RREB1: variants seen among roughly 807,000 people sequenced by gnomAD.
The protein encoded by RREB1 is ras responsive element binding protein 1.
Under a neutral mutation model 117.8 loss-of-function variants are expected in RREB1, and 27 were observed. The ratio of observed to expected loss-of-function variants is 0.23; its 90% CI spans 0.17 to 0.32. The LOEUF (loss-of-function observed/expected upper bound fraction) is 0.32. RREB1 is among the 10% of genes least tolerant of loss of function. RREB1 has a pLI of 1.00. For synonymous variants in RREB1, 1,298 were observed against 1,026.7 expected (o/e 1.26, Z -5.05); for missense variants, 2,577 against 2,378.2 (o/e 1.08, Z -1.74).
At chr6:7,119,504 G>C (rs1208028112) in intron 1 of RREB1, among the ~76,000 whole-genome samples, 1 of 152,184 alleles carries the variant, frequency 6.6e-6, no homozygotes. Context: ...TGACATTTGA[G>C]CTAATAGCTG....
At chr6:7,131,969 G>A (rs895046126) in intron 1 of RREB1, among the ~76,000 whole-genome samples, 1 of 151,346 alleles carries the variant, frequency 6.6e-6, no homozygotes, top group Admixed American at 6.6e-5. Flanking sequence ...TGTGATTGTC[G>A]TGCCTCAGCC....
intron 8 of RREB1, chr6:7,215,534 C>T (rs1766847977): frequency 6.6e-6 from 1 of 152,140 alleles, no homozygotes; most frequent in Non-Finnish European, 1.5e-5. Context: ...GAGACAGAGT[C>T]TCCCTTTGTT....
chr6:7,242,643 C>T (rs76523799), intron 11 of RREB1, among the ~76,000 whole-genome samples: 9 of 52,242 alleles, frequency 1.7e-4, no homozygotes, highest in African/African-American at 6.8e-4. Context: ...ATTCTGGGTT[C>T]CCCCCCCCCA....
At chr6:7,211,023 C>G in intron 7 of RREB1, 75 bp downstream of exon 7, 1 of 1,439,498 alleles carries the variant, frequency 6.9e-7, no homozygotes, top group Non-Finnish European at 9.5e-7. Flanking sequence ...TTTATTTTCT[C>G]AGTGTGGAGA....
rs1229429983 is a variant in RREB1 at position 7,250,720 on chromosome 6, T to A, written c.*1752T>A. 3 of 152,112 alleles carry A rather than the reference T, an allele frequency of 2.0e-5. No individual in the cohort carries two copies. Among genetic ancestry groups the A allele is most frequent in the African/African-American group, 7.2e-5 (3 of 41,398 alleles). 9.4% of individuals were successfully genotyped at this position (152,112 alleles called of 1,614,324 possible). ...GTGCACGCCCCCTTTTCTCCGCCAC[T>A]TCACCAGTTTCTGAAATCCAACCTC... On this transcript the variant is annotated 3_prime_UTR_variant, in exon 13 of 13. Transcript: ENST00000379938.
chr6:7,215,710 T>C (rs1228651051), intron 8 of RREB1: 1 of 152,244 alleles, frequency 6.6e-6, no homozygotes, highest in Non-Finnish European at 1.5e-5. Flanking sequence ...TATACCAGTA[T>C]CATCAAAATA....
At chr6:7,157,660 A>G (rs551772598) in intron 1 of RREB1, among the ~76,000 whole-genome samples, 2 of 152,004 alleles carry the variant, frequency 1.3e-5, no homozygotes, top group East Asian at 3.9e-4. Context: ...TGGTCCCAGC[A>G]TTTGAGAAGC....
chr6:7,237,967 G>C (rs1431644193), intron 10 of RREB1, among the ~76,000 whole-genome samples: 1 of 152,166 alleles, frequency 6.6e-6, no homozygotes, highest in African/African-American at 2.4e-5. Flanking sequence ...CTAACCAACT[G>C]TAAAGGTGAC....
intron 10 of RREB1, 108 bp downstream of exon 10, chr6:7,232,015 A>G: frequency 8.3e-7 from 1 of 1,207,758 alleles, no homozygotes; most frequent in Non-Finnish European, 1.1e-6. Context: ...AGTTATTCCT[A>G]GCTTGGCTTC....
At chr6:7,205,712 T>G (rs1186310787) in intron 6 of RREB1, among the ~76,000 whole-genome samples, 1 of 152,226 alleles carries the variant, frequency 6.6e-6, no homozygotes, top group Non-Finnish European at 1.5e-5. Flanking sequence ...TCTGTCTCCC[T>G]GGAGTTATTG....
intron 6 of RREB1, among the ~76,000 whole-genome samples, chr6:7,190,155 C>T (rs1397600753): frequency 2.6e-5 from 4 of 152,156 alleles, no homozygotes; most frequent in East Asian, 1.9e-4. Flanking sequence ...ACTGATACAG[C>T]GGTTAAGTTT....
At chr6:7,187,171 C>T in intron 4 of RREB1, among the ~76,000 whole-genome samples, 1 of 152,200 alleles carries the variant, frequency 6.6e-6, no homozygotes, top group South Asian at 2.1e-4. Flanking sequence ...ACTATGATCC[C>T]AGCACTGTTC....
At chr6:7,186,165 C>G (rs1203773336) in intron 4 of RREB1, among the ~76,000 whole-genome samples, 1 of 152,206 alleles carries the variant, frequency 6.6e-6, no homozygotes, top group Non-Finnish European at 1.5e-5. Context: ...ACGGTGCCCT[C>G]CATCCCGTTG....
At chr6:7,162,448 T>G (rs1022307307) in intron 1 of RREB1, among the ~76,000 whole-genome samples, 1 of 152,194 alleles carries the variant, frequency 6.6e-6, no homozygotes, top group Non-Finnish European at 1.5e-5. Flanking sequence ...TTACCTCTGG[T>G]GAGCCACTGC....
chr6:7,213,045 C>G (rs1038022498), intron 8 of RREB1: 1 of 152,254 alleles, frequency 6.6e-6, no homozygotes, highest in African/African-American at 2.4e-5. Context: ...CCCCACTCCT[C>G]CCTCTGCTCA....
At chr6:7,198,992 C>G (rs554526242) in intron 6 of RREB1, among the ~76,000 whole-genome samples, 4 of 152,160 alleles carry the variant, frequency 2.6e-5, no homozygotes, top group Admixed American at 6.5e-5. Context: ...TACCAGTTCC[C>G]CCCAGTAGCA....
rs201158768 is a variant in RREB1 at position 7,246,473 on chromosome 6, C to T, written c.4023C>T (p.Asp1341=). The T allele has an allele frequency of 8.6e-5, 132 of 1,536,886 alleles. No homozygotes were observed. In the African/African-American group the frequency reaches 1.6e-3, roughly 18 times the overall value. Residue 1341 remains aspartate (D), a synonymous_variant, in exon 12 of 13, where the codon GAC becomes GAT. Transcript: ENST00000379938. ...CAGCCGCCGCGGGCGAAGTGCTAGA[C>T]CTCACCTCACGGGACAGAGAGCAGC... is the stretch of plus-strand genomic sequence containing the variant. ...ETAAAAGEVL[D]LTSRDREQPS... is the part of the protein sequence containing the mutation.
chr6:7,114,830 A>G (rs903802175), intron 1 of RREB1, among the ~76,000 whole-genome samples: 2 of 152,222 alleles, frequency 1.3e-5, no homozygotes, highest in African/African-American at 2.4e-5. Context: ...TGAAAATTCT[A>G]GAAGTCATCT....
chr6:7,111,337 GTTAA>G (rs1024956574), intron 1 of RREB1, among the ~76,000 whole-genome samples: 9 of 152,156 alleles, frequency 5.9e-5, no homozygotes, highest in Non-Finnish European at 1.2e-4. Flanking sequence ...AAATGTCCTA[GTTAA>G]TGAAGTTTTA....
Sources: allele counts gnomAD v4.1 joint callset (sites outside exome capture counted in the v4.1 genomes callset), GRCh38; gene constraint gnomAD v4.1.1; transcripts MANE v1.5; gene names NCBI Gene and HGNC (gene_info 2026-07-23, HGNC 2026-07-21).